Variants in GALNT18 observed in about 807,000 individuals in gnomAD.
The protein encoded by GALNT18 is polypeptide N-acetylgalactosaminyltransferase 18.
In GALNT18, 44 loss-of-function variants were observed where a neutral mutation model predicts 69.5. That is an observed-to-expected ratio of 0.63 (90% CI 0.50 to 0.81). The LOEUF (loss-of-function observed/expected upper bound fraction) is 0.81, where lower values mean the gene tolerates loss of function less well. Ranked by LOEUF, GALNT18 falls within the 40% of genes least tolerant of loss-of-function variation. The pLI, the probability that GALNT18 is intolerant of heterozygous loss-of-function variation, is 0.00. For missense variants in GALNT18, 715 were observed against 810.0 expected, an observed-to-expected ratio of 0.88 and a Z score of 1.42; for synonymous variants, 364 against 318.2, an observed-to-expected ratio of 1.14 and a Z score of -1.53.
chr11:11,271,361 C>T, intron 10 of GALNT18, 71 bp from the exon 11 acceptor site: 1 of 1,523,682 alleles, frequency 6.6e-7, no homozygotes, highest in Non-Finnish European at 9.0e-7. Context: ...AGCCTCAGGC[C>T]AAGTGGCTGG....
intron 1 of GALNT18, among the ~76,000 whole-genome samples, chr11:11,589,887 A>G (rs1467283383): frequency 6.6e-6 from 1 of 152,198 alleles, no homozygotes; most frequent in East Asian, 1.9e-4. Context: ...AAGAGAGTCC[A>G]CATAGGCAAT....
intron 1 of GALNT18, among the ~76,000 whole-genome samples, chr11:11,579,305 T>C (rs542308981): frequency 8.5e-5 from 13 of 152,250 alleles, no homozygotes; most frequent in African/African-American, 2.6e-4. Flanking sequence ...CCTGTCACCA[T>C]ACTCTAGGTT....
intron 3 of GALNT18, among the ~76,000 whole-genome samples, chr11:11,423,918 C>T (rs1024023073): frequency 1.3e-5 from 2 of 152,366 alleles, no homozygotes; most frequent in East Asian, 1.9e-4. Context: ...AGCTCTGGCA[C>T]ATACTAAGCG....
chr11:11,574,093 T>C (rs886396307), intron 1 of GALNT18, among the ~76,000 whole-genome samples: 1 of 152,132 alleles, frequency 6.6e-6, no homozygotes, highest in Non-Finnish European at 1.5e-5. Flanking sequence ...TCAATTATTG[T>C]AGGTATGTGG....
intron 1 of GALNT18, among the ~76,000 whole-genome samples, chr11:11,514,191 T>A (rs1857220323): frequency 6.6e-6 from 1 of 152,242 alleles, no homozygotes. Context: ...GTCACTTATC[T>A]AAGTCACACA....
In GALNT18 at chr11:11,340,490, A is replaced by T. The variant is rs1049082124; in HGVS notation, c.1278+329T>A. 2.0e-5 allele frequency among the ~76,000 whole-genome samples: 3 copies of T among 152,218 alleles called. No individual in the cohort carries two copies. Among genetic ancestry groups the T allele is most frequent in the Admixed American group, 1.3e-4 (2 of 15,288 alleles). On this transcript the variant is annotated intron_variant, in intron 7 of 10. Transcript: ENST00000227756. This position sits in a 1 kb window ranked among gnomAD's most constrained non-coding sequence, Gnocchi z 4.2. ...TATTTGTAATCCAGGACCATGAAACATCTAATGTCAGAGAAGCTGAGGACC... is the reference window on the plus strand; with the variant it reads ...TATTTGTAATCCAGGACCATGAAACTTCTAATGTCAGAGAAGCTGAGGACC...
rs1267708557 is a variant in GALNT18 at position 11,430,091 on chromosome 11, A to G, written c.595+2530T>C. ...GGAGCCTGGGAGCTGTGATCGTGCC[A>G]CTGCATTCCAGCCTGGGCAACAGAG... On this transcript the variant is annotated intron_variant, in intron 3 of 10. Coordinates refer to ENST00000227756, the MANE Select transcript of GALNT18 (RefSeq NM_198516.3). This position sits in a 1 kb window ranked among gnomAD's most constrained non-coding sequence, Gnocchi z 4.9. Among the ~76,000 whole-genome samples, 1 of 152,114 alleles carries G rather than the reference A, an allele frequency of 6.6e-6. No individual in the cohort carries two copies. The highest frequency in any genetic ancestry group is 2.4e-5 in the African/African-American group (1 of 41,400).
intron 9 of GALNT18, among the ~76,000 whole-genome samples, chr11:11,294,915 CCA>C (rs1474083087): frequency 6.6e-6 from 1 of 151,730 alleles, no homozygotes; most frequent in African/African-American, 2.4e-5. Flanking sequence ...AACCAAGATA[CCA>C]CACTTTTCCA....
In GALNT18 at chr11:11,320,945, AG is replaced by A. The variant is rs1297318675; in HGVS notation, c.1512+6140del. 2.6e-5 allele frequency among the ~76,000 whole-genome samples: 4 copies of A among 152,182 alleles called. No homozygotes were observed. In the East Asian group the frequency reaches 7.7e-4, roughly 29 times the overall value. ...GCATCTGAGCATGGCCTGGCGTGAA[AG>A]GTCACCAGGACACCAAGGGCTCCCT... On this transcript the variant is annotated intron_variant, in intron 9 of 10. Transcript: ENST00000227756. This position sits in a 1 kb window ranked among gnomAD's most constrained non-coding sequence, Gnocchi z 4.9.
rs905864024 is a variant in GALNT18 at position 11,396,670 on chromosome 11, C to T, written c.596-17406G>A. Among the ~76,000 whole-genome samples the T allele has an allele frequency of 6.6e-6, 1 of 152,068 alleles. No individual in the cohort carries two copies. The highest frequency in any genetic ancestry group is 2.4e-5 in the African/African-American group (1 of 41,412). On this transcript the variant is annotated intron_variant, in intron 3 of 10. Transcript: ENST00000227756. This position sits in a 1 kb window ranked among gnomAD's most constrained non-coding sequence, Gnocchi z 5.2. ...TGGGGGCAGTAGGGATTAACGCCAC[C>T]TAATCTAAGGGTGAAAGTGTTTGGT...
rs982997939 is a variant in GALNT18, at chr11:11,590,043, T to C, written c.235+31316A>G. Among the ~76,000 whole-genome samples, 3 of 152,222 alleles carry C rather than the reference T, an allele frequency of 2.0e-5. No individual in the cohort carries two copies. Among genetic ancestry groups the C allele is most frequent in the African/African-American group, 7.2e-5 (3 of 41,448 alleles). On this transcript the variant is annotated intron_variant, in intron 1 of 10. Coordinates refer to ENST00000227756, the MANE Select transcript of GALNT18 (RefSeq NM_198516.3). The surrounding 1 kb of genome is among the most constrained non-coding windows in gnomAD (Gnocchi z 4.4). ...CACTTGCTACCTTTGTGACTTTACC[T>C]AGGGGTGATATTCAAATATGTAATA... is the stretch of plus-strand genomic sequence containing the variant.
At chr11:11,610,934 C>T (rs1859883269) in intron 1 of GALNT18, among the ~76,000 whole-genome samples, 1 of 152,178 alleles carries the variant, frequency 6.6e-6, no homozygotes, top group Non-Finnish European at 1.5e-5. Flanking sequence ...TCCTTTGAGG[C>T]ATGAACCATA....
chr11:11,366,578 A>C (rs16909529), intron 6 of GALNT18, among the ~76,000 whole-genome samples: 40,338 of 152,156 alleles, frequency 0.27, 5,702 homozygotes, highest in Middle Eastern at 0.33. Context: ...GGATAATACT[A>C]TCTGGCTTGC....
chr11:11,327,206 A>G, intron 8 of GALNT18, 25 bp from the exon 9 acceptor site: 1 of 1,507,580 alleles, frequency 6.6e-7, no homozygotes, highest in African/African-American at 1.4e-5. Context: ...ACAGATGGCC[A>G]CACCAAAGAG....
intron 3 of GALNT18, among the ~76,000 whole-genome samples, chr11:11,390,633 C>T (rs4910331): frequency 0.57 from 87,447 of 152,088 alleles, 25,942 homozygotes; most frequent in East Asian, 0.9. Flanking sequence ...CACACATGTA[C>T]TTACACCTAG....
intron 3 of GALNT18, among the ~76,000 whole-genome samples, chr11:11,397,653 T>A (rs1425899886): frequency 1.3e-5 from 2 of 152,134 alleles, no homozygotes; most frequent in Non-Finnish European, 2.9e-5. Context: ...GTATTTTTAG[T>A]AGAGACAGGG....
chr11:11,271,320 A>G (rs1362238169), intron 10 of GALNT18, 30 bp from the exon 11 acceptor site: 2 of 1,598,028 alleles, frequency 1.3e-6, no homozygotes, highest in African/African-American at 2.7e-5. Flanking sequence ...GTGGGGTCAG[A>G]GGGCATAGAG....
chr11:11,510,761 A>G (rs1857149925), intron 1 of GALNT18, among the ~76,000 whole-genome samples: 1 of 152,202 alleles, frequency 6.6e-6, no homozygotes, highest in African/African-American at 2.4e-5. Flanking sequence ...CTTCTCTAGA[A>G]AATGGGATCT....
chr11:11,445,052 T>A (rs1225492884), intron 2 of GALNT18, among the ~76,000 whole-genome samples: 1 of 152,226 alleles, frequency 6.6e-6, no homozygotes, highest in Non-Finnish European at 1.5e-5. Context: ...AAACAGTTTT[T>A]TCCAACATGT....
Sources: gnomAD v4.1 joint callset for allele counts (sites outside exome capture counted in the v4.1 genomes callset) on GRCh38, gnomAD v4.1.1 for gene constraint, Gnocchi (gnomAD v3.1) non-coding constraint, MANE v1.5 for transcripts, NCBI Gene and HGNC (gene_info 2026-07-23, HGNC 2026-07-21) for gene names.